VSTM4: variants seen among roughly 807,000 people sequenced by gnomAD.
VSTM4 encodes the protein V-set and transmembrane domain-containing protein 4.
A neutral mutation model predicts 36.4 loss-of-function variants in VSTM4; 20 were observed. The ratio of observed to expected loss-of-function variants is 0.55; its 90% confidence interval spans 0.39 to 0.80. VSTM4 has a LOEUF of 0.80. VSTM4 is among the 30% of genes least tolerant of loss of function. The pLI is 0.00. For missense variants in VSTM4, 392 were observed against 404.5 expected (o/e 0.97, Z 0.26); for synonymous variants, 182 against 173.9 (o/e 1.05, Z -0.37).
intron 7 of VSTM4, 120 bp from the exon 8 acceptor site, chr10:49,019,895 G>A: frequency 7.7e-7 from 1 of 1,301,920 alleles, no homozygotes; most frequent in Non-Finnish European, 1.0e-6. Flanking sequence ...GGGATAAGTG[G>A]ACAAGAAATT....
chr10:49,092,564 A>G (rs1247456162), intron 2 of VSTM4, among the ~76,000 whole-genome samples: 1 of 152,148 alleles, frequency 6.6e-6, no homozygotes, highest in Non-Finnish European at 1.5e-5. Flanking sequence ...GGAAGAGAAG[A>G]GTATGGTCCC....
At chr10:49,044,572 TAAAGA>T (rs926241145) in intron 7 of VSTM4, among the ~76,000 whole-genome samples, 5 of 139,968 alleles carry the variant, frequency 3.6e-5, no homozygotes, top group Non-Finnish European at 8.1e-5. Flanking sequence ...AAGGAAAAAT[TAAAGA>T]AAAGAAAAAG....
Position 49,077,325 on chromosome 10 carries a change from A to G in VSTM4, c.528T>C (p.Asp176=). The change falls in exon 4 of 8, where the codon GAT becomes GAC. Residue 176 remains aspartate, a splice_region_variant and synonymous_variant. Transcript: ENST00000332853. ...ACACGAGGACAGCATACACATAGAG[A>G]TCTGAAAGGCAAGGACAGACACGTG... ...KTKETWAFFE[D]LYVYAVLVCC... 1 of 1,614,176 alleles carries G rather than the reference A, an allele frequency of 6.2e-7. No homozygotes were observed. Among genetic ancestry groups the G allele is most frequent in the Non-Finnish European group, 8.5e-7 (1 of 1,180,018 alleles).
At chr10:49,104,064 C>T (rs543000277) in intron 2 of VSTM4, among the ~76,000 whole-genome samples, 1 of 152,048 alleles carries the variant, frequency 6.6e-6, no homozygotes, top group Admixed American at 6.5e-5. Flanking sequence ...TTTGGGAGGC[C>T]GAGGTGGGTG....
chr10:49,050,674 T>C (rs1272164546), intron 5 of VSTM4, among the ~76,000 whole-genome samples: 2 of 152,246 alleles, frequency 1.3e-5, no homozygotes, highest in Non-Finnish European at 2.9e-5. Context: ...ATTCTCAGAA[T>C]TGTTTACATA....
intron 7 of VSTM4, among the ~76,000 whole-genome samples, chr10:49,022,991 TAAAGCC>T (rs951404956): frequency 6.6e-6 from 1 of 152,136 alleles, no homozygotes; most frequent in Non-Finnish European, 1.5e-5. Context: ...CATAATTTAA[TAAAGCC>T]AAAGCACACT....
intron 2 of VSTM4, chr10:49,102,824 C>A: frequency 1.2e-6 from 1 of 858,100 alleles, no homozygotes; most frequent in South Asian, 5.3e-5. Context: ...CTGTTGCAGG[C>A]ATTCATTGTT....
chr10:49,084,875 C>A (rs918168051), intron 3 of VSTM4, among the ~76,000 whole-genome samples: 3 of 152,250 alleles, frequency 2.0e-5, no homozygotes, highest in Non-Finnish European at 2.9e-5. Flanking sequence ...ACTCTGGATA[C>A]TTGGAGCCAA....
At chr10:49,055,142 G>T (rs1843756985) in intron 5 of VSTM4, among the ~76,000 whole-genome samples, 1 of 152,210 alleles carries the variant, frequency 6.6e-6, no homozygotes, top group Admixed American at 6.5e-5. Flanking sequence ...TCCCCATTCA[G>T]AAACCCTTAG....
intron 5 of VSTM4, among the ~76,000 whole-genome samples, chr10:49,054,585 T>G (rs1843747245): frequency 6.6e-6 from 1 of 152,156 alleles, no homozygotes; most frequent in South Asian, 2.1e-4. Flanking sequence ...AGCTGGGAAT[T>G]TTGTGCCTCT....
rs539097023 is a variant in VSTM4 at position 49,099,396 on chromosome 10, C to T, written c.457+8198G>A. 2.0e-5 allele frequency among the ~76,000 whole-genome samples: 3 copies of T among 152,276 alleles called. No individual in the cohort carries two copies. In the South Asian group the frequency reaches 6.2e-4, roughly 32 times the overall value. On this transcript the variant is annotated intron_variant, in intron 2 of 7. Coordinates refer to ENST00000332853, the MANE Select transcript of VSTM4 (RefSeq NM_001031746.5). ...GTTATTTCCTGCCTATATTTCTTAC[C>T]GCTCTGGAATCATTTTTATCATGTG...
chr10:49,082,490 A>T (rs927896238), intron 3 of VSTM4, among the ~76,000 whole-genome samples: 11 of 152,148 alleles, frequency 7.2e-5, no homozygotes, highest in African/African-American at 2.7e-4. Context: ...ATGGTGAAAC[A>T]AATTAGTACA....
chr10:49,113,144 C>T (rs1330514518), intron 1 of VSTM4, among the ~76,000 whole-genome samples: 1 of 152,194 alleles, frequency 6.6e-6, no homozygotes, highest in Non-Finnish European at 1.5e-5. Flanking sequence ...ACCAGAGCCT[C>T]TAAGTTTATA....
intron 2 of VSTM4, among the ~76,000 whole-genome samples, chr10:49,105,833 G>GTA (rs1308063260): frequency 5.2e-4 from 73 of 139,400 alleles, no homozygotes; most frequent in African/African-American, 1.6e-3. Flanking sequence ...CGTATCATAT[G>GTA]TGTGTGTGTA....
chr10:49,093,742 C>CTTTTTTTTT (rs35299738), intron 2 of VSTM4, among the ~76,000 whole-genome samples: 2 of 103,660 alleles, frequency 1.9e-5, no homozygotes, highest in Non-Finnish European at 3.8e-5. Flanking sequence ...CATAGTTACT[C>CTTTTTTTTT]TTTTTTTTTT....
intron 1 of VSTM4, 85 bp downstream of exon 1, chr10:49,115,346 C>T (rs1177074073): frequency 1.1e-6 from 1 of 910,336 alleles, no homozygotes; most frequent in East Asian, 1.1e-4. Flanking sequence ...GCAGGGCCTC[C>T]CCACCAGGCC....
intron 1 of VSTM4, 51 bp downstream of exon 1, chr10:49,115,380 G>C: frequency 1.0e-6 from 1 of 996,340 alleles, no homozygotes; most frequent in Non-Finnish European, 1.2e-6. Flanking sequence ...TCCCCGGCGC[G>C]GCCGCCCGGC....
intron 3 of VSTM4, 60 bp from the exon 4 acceptor site, chr10:49,077,386 G>C: frequency 6.8e-7 from 1 of 1,464,262 alleles, no homozygotes; most frequent in Admixed American, 1.7e-5. Context: ...GAAGTGCGCT[G>C]GCAAGAGAAC....
chr10:49,075,282 A>G (rs115834726), intron 4 of VSTM4, among the ~76,000 whole-genome samples: 3 of 152,138 alleles, frequency 2.0e-5, no homozygotes, highest in Non-Finnish European at 2.9e-5. Context: ...CAGCCAGTGC[A>G]GACTCTCGAT....
Sources: allele counts gnomAD v4.1 joint callset (sites outside exome capture counted in the v4.1 genomes callset), GRCh38; gene constraint gnomAD v4.1.1; transcripts MANE v1.5; gene names NCBI Gene and HGNC (gene_info 2026-07-23, HGNC 2026-07-21).